SNRNP35: variants seen among roughly 807,000 people sequenced by gnomAD.
SNRNP35 encodes U11/U12 small nuclear ribonucleoprotein 35 kDa protein.
SNRNP35 carries 16 observed loss-of-function variants against 24.3 expected under a neutral mutation model. The ratio of observed to expected loss-of-function variants is 0.66; its 90% CI spans 0.45 to 1.00. The LOEUF is 1.00. SNRNP35 is among the 50% of genes least tolerant of loss of function. The pLI, the probability that SNRNP35 is intolerant of heterozygous loss-of-function variation, is 0.00. For missense variants in SNRNP35, 292 were observed against 327.2 expected (o/e 0.89, Z 0.83); for synonymous variants, 106 against 124.8 (o/e 0.85, Z 1.00).
At chr12:123,469,355 A>G (rs1164025871), downstream of SNRNP35, among the ~76,000 whole-genome samples, 2 of 152,000 alleles carry the variant, frequency 1.3e-5, no homozygotes, top group South Asian at 2.1e-4. Flanking sequence ...GGATTTCTCT[A>G]TGTTGGCCAG....
At chr12:123,472,429 G>T in exon 2 of SNRNP35, 1 of 1,203,070 alleles carries the variant, frequency 8.3e-7, no homozygotes, top group Non-Finnish European at 1.2e-6. Flanking sequence ...TCAGTTTTCA[G>T]GGTGCATCTG....
downstream of SNRNP35, among the ~76,000 whole-genome samples, chr12:123,468,003 A>G (rs983033644): frequency 1.3e-5 from 2 of 152,198 alleles, no homozygotes; most frequent in African/African-American, 4.8e-5. Context: ...GACAAAAAGC[A>G]AAGCCAGTTG....
At chr12:123,462,609 C>T (rs959329790) in intron 1 of SNRNP35, among the ~76,000 whole-genome samples, 2 of 151,548 alleles carry the variant, frequency 1.3e-5, no homozygotes, top group African/African-American at 2.4e-5. Context: ...TGGGTTCAGC[C>T]TCCCAAGTAG....
At position 123,465,563 on chromosome 12, in the gene SNRNP35, C is replaced by A; in HGVS notation, c.23C>A (p.Ala8Asp). The change falls in exon 2 of 2, where the codon GCC becomes GAC. Residue 8 changes from alanine (A) to aspartate (D), a missense_variant. By Grantham distance (126) the Ala-to-Asp change is moderately radical. Coordinates refer to ENST00000526639, the MANE Select transcript of SNRNP35 (RefSeq NM_022717.4). The surrounding 1 kb of genome is among the most constrained non-coding windows in gnomAD (Gnocchi z 4.2). Reference protein sequence around the residue: MNDWMPIAKEYDPLKAGS... With the variant: MNDWMPIDKEYDPLKAGS... ...AACATGAACGATTGGATGCCCATCGCCAAGGAGTATGATCCACTCAAAGCG... is the reference window on the plus strand; with the variant it reads ...AACATGAACGATTGGATGCCCATCGACAAGGAGTATGATCCACTCAAAGCG... The A allele has an allele frequency of 6.4e-7, 1 of 1,556,934 alleles. No individual in the cohort carries two copies. The highest frequency in any genetic ancestry group is 8.7e-7 in the Non-Finnish European group (1 of 1,152,460).
chr12:123,472,531 G>A (rs1443750605), exon 2 of SNRNP35: 7 of 1,550,650 alleles, frequency 4.5e-6, no homozygotes, highest in African/African-American at 2.7e-5. Flanking sequence ...GTGGAGATGG[G>A]CCAAGGTCAC....
In SNRNP35 at chr12:123,458,149, C is replaced by T; in HGVS notation, c.-71C>T. 2 of 985,370 alleles carry T rather than the reference C, an allele frequency of 2.0e-6. No individual in the cohort carries two copies. The highest frequency in any genetic ancestry group is 5.2e-4 in the Middle Eastern group (1 of 1,914). The allele number at this position is 985,370 out of a possible 1,614,324, so 61.0% of individuals were successfully genotyped here. On this transcript the variant is annotated 5_prime_UTR_variant, in exon 1 of 2. Transcript: ENST00000526639. ...TGTAAAGGTCAGGCCGAGGCCGGCG[C>T]GGAGAATCTGCTGTCGCCTGCAGCT...
chr12:123,460,400 C>T (rs1253170720), intron 1 of SNRNP35, among the ~76,000 whole-genome samples: 1 of 151,812 alleles, frequency 6.6e-6, no homozygotes, highest in African/African-American at 2.4e-5. Context: ...TGTGTCTGAC[C>T]TTTTTCATCT....
At chr12:123,472,554 G>A (rs966022427) in exon 2 of SNRNP35, 2 of 1,552,018 alleles carry the variant, frequency 1.3e-6, no homozygotes, top group Non-Finnish European at 1.7e-6. Flanking sequence ...ATGCTGCAGG[G>A]CTTCCTGTCC....
chr12:123,461,782 C>T (rs1046666116), intron 1 of SNRNP35, among the ~76,000 whole-genome samples: 9 of 148,296 alleles, frequency 6.1e-5, no homozygotes, highest in East Asian at 2.0e-4. Flanking sequence ...AGTGCAGTGG[C>T]GCAATTTCAG....
rs138712056 is a variant in SNRNP35 at position 123,472,408 on chromosome 12, TGTTTGAGGGGTCA to T, written n.1420_1432del. The T allele has an allele frequency of 4.8e-5, 44 of 926,128 alleles. No homozygotes were observed. In the African/African-American group the frequency reaches 6.8e-4, roughly 14 times the overall value. The allele number at this position is 926,128 out of a possible 1,614,324, so 57.4% of individuals were successfully genotyped here. A position where few individuals can be genotyped will look rare whatever the true frequency, so the allele number is the denominator to read the frequency against. Reference sequence around the variant, plus strand: ...ATGTCCATCCTCAAATCAGACAGTCTGTTTGAGGGGTCAGTTTTCAGGGTGCATCTGCACCGAG... The same window carrying T: ...ATGTCCATCCTCAAATCAGACAGTCTGTTTTCAGGGTGCATCTGCACCGAG... On this transcript the variant is annotated non_coding_transcript_exon_variant, in exon 2 of 2. Coordinates refer to the SNRNP35 transcript ENST00000527158.
downstream of SNRNP35, among the ~76,000 whole-genome samples, chr12:123,469,300 G>A (rs1473222331): frequency 1.3e-5 from 2 of 151,802 alleles, no homozygotes; most frequent in Non-Finnish European, 2.9e-5. Flanking sequence ...GACAACAGGC[G>A]CATGCCCCCA....
At chr12:123,471,584 T>C (rs1881192410), downstream of SNRNP35, 1 of 152,190 alleles carries the variant, frequency 6.6e-6, no homozygotes, top group Non-Finnish European at 1.5e-5. Flanking sequence ...TCTGCTGCTA[T>C]AGCCCTGTGA....
At chr12:123,471,656 TCCC>T (rs1881194984), downstream of SNRNP35, 1 of 152,130 alleles carries the variant, frequency 6.6e-6, no homozygotes, top group African/African-American at 2.4e-5. Flanking sequence ...CTGCTACAGC[TCCC>T]CCACCTGCCC....
chr12:123,468,098 G>T (rs1420980133), downstream of SNRNP35, among the ~76,000 whole-genome samples: 2 of 151,920 alleles, frequency 1.3e-5, no homozygotes, highest in Non-Finnish European at 2.9e-5. Context: ...GGTGCTCACG[G>T]CTGTGATCCC....
chr12:123,469,381 C>T (rs1315966505), downstream of SNRNP35, among the ~76,000 whole-genome samples: 1 of 152,134 alleles, frequency 6.6e-6, no homozygotes, highest in Non-Finnish European at 1.5e-5. Context: ...TCTCAAACTC[C>T]TGACCTCATG....
chr12:123,467,761 A>G (rs948297764), downstream of SNRNP35, among the ~76,000 whole-genome samples: 2 of 152,234 alleles, frequency 1.3e-5, no homozygotes, highest in Non-Finnish European at 1.5e-5. Flanking sequence ...GTCAGCTGTT[A>G]GAACAGTTTT....
At position 123,465,671 on chromosome 12, in the gene SNRNP35, G is replaced by C. The variant is rs1880917130; in HGVS notation, c.131G>C (p.Gly44Ala). Reference sequence around the variant, plus strand: ...CTGGCACGATATGTCCCCAACAAAGGTGTCATAGGAGATCCCCTCCTCACC... The same window carrying C: ...CTGGCACGATATGTCCCCAACAAAGCTGTCATAGGAGATCCCCTCCTCACC... Reference protein sequence around the residue: ...AMLARYVPNKGVIGDPLLTLF... With the variant: ...AMLARYVPNKAVIGDPLLTLF... Residue 44 changes from glycine (G) to alanine (A), a missense_variant, in exon 2 of 2, where the codon GGT (glycine) becomes GCT (alanine). Gly to Ala is a moderately conservative substitution (Grantham distance 60). Coordinates refer to ENST00000526639, the MANE Select transcript of SNRNP35 (RefSeq NM_022717.4). The surrounding 1 kb of genome is among the most constrained non-coding windows in gnomAD (Gnocchi z 4.2). 4 of 1,613,858 alleles carry C rather than the reference G, an allele frequency of 2.5e-6. No homozygotes were observed. Among genetic ancestry groups the C allele is most frequent in the African/African-American group, 2.7e-5 (2 of 74,906 alleles).
intron 1 of SNRNP35, among the ~76,000 whole-genome samples, chr12:123,463,785 G>T (rs1362214790): frequency 2.0e-5 from 3 of 148,602 alleles, no homozygotes. Flanking sequence ...TTTTTTTTGA[G>T]ACAGAGCCTC....
Position 123,466,269 on chromosome 12 carries a change from A to G in SNRNP35, c.729A>G (p.Glu243=). Residue 243 remains glutamate (E), a synonymous_variant, in exon 2 of 2, where the codon GAA becomes GAG. Coordinates refer to ENST00000526639, the MANE Select transcript of SNRNP35 (RefSeq NM_022717.4). ...DDRIKGREKK[E]RGK ...GGATCAAGGGGAGGGAGAAGAAGGA[A>G]AGAGGCAAGTAGAGGCCCAACAGCA... 6.6e-7 allele frequency: 1 copy of G among 1,521,530 alleles called. No individual in the cohort carries two copies. Among genetic ancestry groups the G allele is most frequent in the Non-Finnish European group, 8.8e-7 (1 of 1,137,536 alleles). 94.3% of individuals were successfully genotyped at this position (1,521,530 alleles called of 1,614,324 possible). A position where few individuals can be genotyped will look rare whatever the true frequency, so the allele number is the denominator to read the frequency against.
Sources: allele counts gnomAD v4.1 joint callset (sites outside exome capture counted in the v4.1 genomes callset), GRCh38; gene constraint gnomAD v4.1.1; non-coding constraint Gnocchi (gnomAD v3.1); transcripts MANE v1.5; gene names NCBI Gene and HGNC (gene_info 2026-07-23, HGNC 2026-07-21).